Variants in SEC16A observed in about 807,000 individuals in gnomAD.
SEC16A encodes the protein protein transport protein Sec16A.
A neutral mutation model predicts 221.9 loss-of-function variants in SEC16A; 110 were observed. That is an observed-to-expected ratio of 0.50 (90% CI 0.42 to 0.58). The LOEUF is 0.58. Among genes scored for constraint, SEC16A ranks in the 20% least tolerant of loss-of-function variants. SEC16A has a pLI of 0.00. For synonymous variants in SEC16A, 1,393 were observed against 1,257.7 expected (o/e 1.11, Z -2.28); for missense variants, 3,165 against 3,097.8 (o/e 1.02, Z -0.52).
In SEC16A at chr9:136,482,884, G is replaced by T. The variant is rs55947222; in HGVS notation, c.-192+54C>A. 492 of 759,172 alleles carry T rather than the reference G, an allele frequency of 6.5e-4. 2 individuals are homozygous for T. The African/African-American group carries it at 8.7e-3, about 13-fold the overall frequency. 47.0% of individuals were successfully genotyped at this position (759,172 alleles called of 1,614,324 possible). A position where few individuals can be genotyped will look rare whatever the true frequency, so the allele number is the denominator to read the frequency against. On this transcript the variant is annotated intron_variant, in intron 1 of 31. Coordinates refer to ENST00000684901, the MANE Select transcript of SEC16A (RefSeq NM_014866.2). ...CTCCACGGCCTGGCTCCGCCGGCCG[G>T]CCTCCGCCTTCCTCCTCCCGCGCTC...
chr9:136,466,502 G>A lies in SEC16A; in HGVS notation c.3930-40C>T. ...GGGACAGAGGCAGAGGAATGGGAGT[G>A]CCGGAGGCCCCGTCCCCATGTGCCA... On this transcript the variant is annotated intron_variant, in intron 6 of 31. Transcript: ENST00000684901. The surrounding 1 kb of genome is among the most constrained non-coding windows in gnomAD (Gnocchi z 5.5). The A allele has an allele frequency of 6.5e-7, 1 of 1,542,284 alleles. No homozygotes were observed. The highest frequency in any genetic ancestry group is 2.3e-5 in the East Asian group (1 of 42,646).
At position 136,452,449 on chromosome 9, in the gene SEC16A, C is replaced by CAAAAAAAAAAAAAAAAA. The variant is rs752510860; in HGVS notation, c.6159+962_6159+978dup. Among the ~76,000 whole-genome samples the CAAAAAAAAAAAAAAAAA allele has an allele frequency of 1.5e-3, 34 of 23,294 alleles. 6 individuals carry two copies. Among genetic ancestry groups the CAAAAAAAAAAAAAAAAA allele is most frequent in the Non-Finnish European group, 2.0e-3 (26 of 12,798 alleles). The allele number at this position is 23,294 out of a possible 152,430, so 15.3% of individuals were successfully genotyped here. A position where few individuals can be genotyped will look rare whatever the true frequency, so the allele number is the denominator to read the frequency against. On this transcript the variant is annotated intron_variant, in intron 22 of 31. Transcript: ENST00000684901. ...TGGGCGACAGAGAGAAACTCCATCT[C>CAAAAAAAAAAAAAAAAA]AAAAAAAAAAAAAAAAAAAAAAAAA...
rs1294996552 is a variant in SEC16A at position 136,476,213 on chromosome 9, T to C, written c.1403A>G (p.Gln468Arg). Reference protein sequence around the residue: ...NVENLEFVQNQEVLPSEPLNL... With the variant: ...NVENLEFVQNREVLPSEPLNL... Reference sequence around the variant, plus strand: ...GAGGGGCTCACTTGGCAGAACTTCTTGATTCTGAACAAATTCTAAGTTCTC... The same window carrying C: ...GAGGGGCTCACTTGGCAGAACTTCTCGATTCTGAACAAATTCTAAGTTCTC... The change falls in exon 3 of 32, where the codon CAA becomes CGA. Residue 468 changes from glutamine to arginine, a missense_variant. Physicochemically the swap from Gln to Arg is conservative, Grantham distance 43 (BLOSUM62 1). Coordinates refer to ENST00000684901, the MANE Select transcript of SEC16A (RefSeq NM_014866.2). 4.3e-6 allele frequency: 7 copies of C among 1,613,680 alleles called. No homozygotes were observed. The Admixed American group carries it at 1.0e-4, about 23-fold the overall frequency.
intron 8 of SEC16A, 106 bp downstream of exon 8, chr9:136,465,856 G>T: frequency 1.7e-6 from 2 of 1,179,396 alleles, no homozygotes; most frequent in Non-Finnish European, 2.4e-6. Flanking sequence ...GCCAGGCCAG[G>T]ACATCACAAT....
chr9:136,474,617 C>T lies in SEC16A; in HGVS notation c.2999G>A (p.Arg1000Lys). The change falls in exon 3 of 32, where the codon AGG becomes AAG. Residue 1000 changes from arginine to lysine, a missense_variant. Arg to Lys is a conservative substitution (Grantham distance 26). Coordinates refer to ENST00000684901, the MANE Select transcript of SEC16A (RefSeq NM_014866.2). ...TYGALDFTLS[R>K]TLENPVNVYN... The stretch of plus-strand genomic sequence containing the variant: ...CACGTTTACAGGATTTTCCAAAGTC[C>T]TGCTTAAGGTAAAGTCTAGGGCTCC... 6.2e-7 allele frequency: 1 copy of T among 1,613,060 alleles called. No individual in the cohort carries two copies. The highest frequency in any genetic ancestry group is 1.7e-5 in the Admixed American group (1 of 59,976).
intron 4 of SEC16A, among the ~76,000 whole-genome samples, chr9:136,471,040 C>G (rs1840788196): frequency 6.6e-6 from 1 of 152,010 alleles, no homozygotes; most frequent in Admixed American, 6.5e-5. Context: ...GCTCTAGGGC[C>G]CAGGAGGACT....
upstream of SEC16A, chr9:136,483,076 G>C (rs1842622288): frequency 1.0e-6 from 1 of 960,388 alleles, no homozygotes; most frequent in Non-Finnish European, 1.2e-6. Flanking sequence ...CCGCCGACGT[G>C]TCCGGCTTAC....
intron 1 of SEC16A, among the ~76,000 whole-genome samples, chr9:136,480,172 G>C (rs1331350305): frequency 1.3e-5 from 2 of 152,120 alleles, no homozygotes; most frequent in Admixed American, 6.5e-5. Context: ...CCTCTGATCT[G>C]TGCACTGGCA....
intron 5 of SEC16A, among the ~76,000 whole-genome samples, chr9:136,467,871 G>A (rs568607542): frequency 5.9e-5 from 9 of 152,314 alleles, no homozygotes; most frequent in South Asian, 2.1e-4. Context: ...GGCTCTTCCC[G>A]GGGACATGGC....
intron 18 of SEC16A, 125 bp from the exon 19 acceptor site, chr9:136,456,291 T>C (rs1267485380): frequency 1.5e-6 from 1 of 676,044 alleles, no homozygotes; most frequent in Admixed American, 2.6e-5. Flanking sequence ...GCTGCCTATA[T>C]GTTTCTAGTA....
At position 136,463,490 on chromosome 9, in the gene SEC16A, A is replaced by G; in HGVS notation, c.4620T>C (p.Phe1540=). ...DKESASLLWN[F]IVLLCRQNGT... is the part of the protein sequence containing the mutation. ...CATTTTGTCTGCATAAGAGAACAAT[A>G]AAATTCCAAAGAAGACTTGCAGACT... The change falls in exon 11 of 32, where the codon TTT becomes TTC. Residue 1540 remains phenylalanine, a synonymous_variant. Coordinates refer to ENST00000684901, the MANE Select transcript of SEC16A (RefSeq NM_014866.2). The G allele has an allele frequency of 6.2e-7, 1 of 1,613,902 alleles. No individual in the cohort carries two copies.
Position 136,443,038 on chromosome 9 carries a change from C to T in SEC16A, c.7005+785G>A, listed in dbSNP as rs1000008267. 2.6e-5 allele frequency among the ~76,000 whole-genome samples: 4 copies of T among 152,220 alleles called. No homozygotes were observed. In the East Asian group the frequency reaches 7.7e-4, roughly 29 times the overall value. The stretch of plus-strand genomic sequence containing the variant: ...GCTGGGGGACCCACTCCGGGGAGAC[C>T]CGGGTGCCCGGGCCAAGGGAGGAGA... On this transcript the variant is annotated intron_variant, in intron 31 of 31. Coordinates refer to ENST00000684901, the MANE Select transcript of SEC16A (RefSeq NM_014866.2).
chr9:136,451,627 C>T (rs1837825755), intron 22 of SEC16A, among the ~76,000 whole-genome samples: 1 of 152,198 alleles, frequency 6.6e-6, no homozygotes. Flanking sequence ...GAGCCAGCCG[C>T]ACTTAATAAG....
Position 136,474,339 on chromosome 9 carries a change from C to A in SEC16A, c.3277G>T (p.Ala1093Ser). 1 of 1,612,286 alleles carries A rather than the reference C, an allele frequency of 6.2e-7. No homozygotes were observed. The highest frequency in any genetic ancestry group is 8.5e-7 in the Non-Finnish European group (1 of 1,179,604). The change falls in exon 3 of 32, where the codon GCC becomes TCC. Residue 1093 changes from alanine to serine, a missense_variant. Physicochemically the swap from Ala to Ser is moderately conservative, Grantham distance 99 (BLOSUM62 1). This residue lies in a region of SEC16A where 2,030 missense variants were observed against 1,923.1 expected (regional missense o/e 1.06). Coordinates refer to ENST00000684901, the MANE Select transcript of SEC16A (RefSeq NM_014866.2). ...NPESLPAQGQ[A>S]QNSAQSPASL... ...GCTGGTGACTGTGCTGAGTTCTGGG[C>A]CTGTCCCTGTGCGGGCAGACTTTCT...
intron 23 of SEC16A, among the ~76,000 whole-genome samples, chr9:136,450,649 G>A (rs1377465558): frequency 6.6e-6 from 1 of 152,128 alleles, no homozygotes. Flanking sequence ...TTAAAGAACC[G>A]GCACTGCCCA....
intron 20 of SEC16A, among the ~76,000 whole-genome samples, chr9:136,455,361 A>G (rs1280624977): frequency 6.6e-6 from 1 of 152,148 alleles, no homozygotes; most frequent in Non-Finnish European, 1.5e-5. Flanking sequence ...TCGCCAGCAC[A>G]TGGATATTTA....
chr9:136,461,112 G>A (rs896682465), intron 13 of SEC16A, 65 bp downstream of exon 13: 19 of 1,295,356 alleles, frequency 1.5e-5, no homozygotes, highest in South Asian at 6.3e-5. Flanking sequence ...CCCAGGGTGC[G>A]GACGCCGCGT....
At position 136,469,378 on chromosome 9, in the gene SEC16A, T is replaced by C. The variant is rs1840573284; in HGVS notation, c.3705-866A>G. On this transcript the variant is annotated intron_variant, in intron 4 of 31. Coordinates refer to ENST00000684901, the MANE Select transcript of SEC16A (RefSeq NM_014866.2). ...AAGGCTGGTTTTGTAGACCAAGCCA[T>C]GATCCTGACTCTCACTACAGGAGAA... Among the ~76,000 whole-genome samples, 7 of 152,240 alleles carry C rather than the reference T, an allele frequency of 4.6e-5. No individual in the cohort carries two copies. The South Asian group carries it at 1.4e-3, about 31-fold the overall frequency.
intron 13 of SEC16A, 114 bp from the exon 14 acceptor site, chr9:136,460,237 C>T (rs1163509406): frequency 8.1e-6 from 6 of 742,438 alleles, no homozygotes; most frequent in Admixed American, 7.3e-5. Context: ...CCAAAGTGGG[C>T]GGATCACCTG....
Sources: gnomAD v4.1 joint callset for allele counts (sites outside exome capture counted in the v4.1 genomes callset) on GRCh38, gnomAD v4.1.1 for gene constraint, gnomAD v4.1.1 regional missense constraint, Gnocchi (gnomAD v3.1) non-coding constraint, MANE v1.5 for transcripts, NCBI Gene and HGNC (gene_info 2026-07-23, HGNC 2026-07-21) for gene names.